Variants in DNER observed in about 807,000 individuals in gnomAD.
DNER encodes the protein delta and Notch-like epidermal growth factor-related receptor.
Under a neutral mutation model 78.2 loss-of-function variants are expected in DNER, and 33 were observed. The ratio of observed to expected loss-of-function variants is 0.42; its 90% CI spans 0.32 to 0.56. DNER has a LOEUF of 0.56. Ranked by LOEUF, DNER falls within the 20% of genes least tolerant of loss-of-function variation. DNER has a pLI of 0.11. For synonymous variants in DNER, 417 were observed against 384.8 expected, an observed-to-expected ratio of 1.08 and a Z score of -0.98; for missense variants, 918 against 975.3, an observed-to-expected ratio of 0.94 and a Z score of 0.78.
intron 4 of DNER, among the ~76,000 whole-genome samples, chr2:229,584,697 G>A (rs1211676984): frequency 2.6e-5 from 4 of 152,044 alleles, no homozygotes; most frequent in Admixed American, 2.0e-4. Flanking sequence ...TTGGGAGGCC[G>A]AGGCGGGTGG....
intron 11 of DNER, among the ~76,000 whole-genome samples, chr2:229,383,346 T>A (rs773552644): frequency 1.3e-5 from 2 of 152,138 alleles, no homozygotes; most frequent in Non-Finnish European, 2.9e-5. Flanking sequence ...ATGAAAAAAC[T>A]GTATCAACTA....
intron 12 of DNER, among the ~76,000 whole-genome samples, chr2:229,365,029 G>C (rs1559331439): frequency 6.6e-6 from 1 of 151,588 alleles, no homozygotes; most frequent in Non-Finnish European, 1.5e-5. Context: ...GATACATTTA[G>C]GTAGATATAA....
At position 229,579,783 on chromosome 2, in the gene DNER, T is replaced by G. The variant is rs535235611; in HGVS notation, c.847+6075A>C. Among the ~76,000 whole-genome samples, 5 of 152,104 alleles carry G rather than the reference T, an allele frequency of 3.3e-5. No homozygotes were observed. In the East Asian group the frequency reaches 7.7e-4, roughly 24 times the overall value. Reference sequence around the variant, plus strand: ...GCTGGGTATTGAGAATTCCTTTTTTTTTTTTTCTAAACATAGTATAAACTG... The same window carrying G: ...GCTGGGTATTGAGAATTCCTTTTTTGTTTTTTCTAAACATAGTATAAACTG... On this transcript the variant is annotated intron_variant, in intron 4 of 12. Coordinates refer to ENST00000341772, the MANE Select transcript of DNER (RefSeq NM_139072.4).
chr2:229,387,940 T>C lies in DNER; in HGVS notation c.1855+325A>G, dbSNP rs148832932. On this transcript the variant is annotated intron_variant, in intron 11 of 12. Transcript: ENST00000341772. ...CTCTATTTTTTTGATACGATTCTAA[T>C]GCTTTTCTGTTCAGCACATTTTTGG... Among the ~76,000 whole-genome samples the C allele has an allele frequency of 3.3e-5, 5 of 152,228 alleles. No homozygotes were observed. In the East Asian group the frequency reaches 9.7e-4, roughly 29 times the overall value.
intron 5 of DNER, among the ~76,000 whole-genome samples, chr2:229,523,481 T>C (rs761410680): frequency 1.9e-4 from 29 of 152,178 alleles, no homozygotes; most frequent in Non-Finnish European, 3.5e-4. Flanking sequence ...TTACTCTGTG[T>C]TTGTCTATGT....
chr2:229,434,908 TTA>T (rs10533759), intron 8 of DNER, among the ~76,000 whole-genome samples: 11,893 of 118,616 alleles, frequency 0.1, 1,111 homozygotes, highest in African/African-American at 0.26. Flanking sequence ...TAGAGACAAT[TTA>T]TATATATATA....
rs772102551 is a variant in DNER at position 229,447,345 on chromosome 2, C to A, written c.1457G>T (p.Gly486Val). ...PCAHGTCRSV[G>V]TSYKCLCDPG... The stretch of plus-strand genomic sequence containing the variant: ...ATCACAGAGGCATTTGTAGCTGGTG[C>A]CCACGCTGCGGCACGTGCCATGAGC... The change falls in exon 8 of 13, where the codon GGC becomes GTC. Residue 486 changes from glycine (G) to valine (V), a missense_variant. Gly to Val is a moderately radical substitution (Grantham distance 109). Transcript: ENST00000341772. 6.2e-7 allele frequency: 1 copy of A among 1,607,460 alleles called. No homozygotes were observed. The highest frequency in any genetic ancestry group is 8.5e-7 in the Non-Finnish European group (1 of 1,177,060).
chr2:229,512,932 G>A lies in DNER; in HGVS notation c.998C>T (p.Thr333Ile), dbSNP rs1455980332. 4 of 1,613,478 alleles carry A rather than the reference G, an allele frequency of 2.5e-6. No individual in the cohort carries two copies. The highest frequency in any genetic ancestry group is 2.5e-6 in the Non-Finnish European group (3 of 1,179,860). The change falls in exon 6 of 13, where the codon ACT becomes ATT. Residue 333 changes from threonine (T) to isoleucine (I), a missense_variant. Physicochemically the swap from Thr to Ile is moderately conservative, Grantham distance 89 (BLOSUM62 -1). Coordinates refer to ENST00000341772, the MANE Select transcript of DNER (RefSeq NM_139072.4). ...CTGCTCCTCACAGGTACAGGAAAAA[G>A]TTGCCTAAAACACAAAAAAAGCACA... is the stretch of plus-strand genomic sequence containing the variant. ...GKCTTKPSEATFSCTCEEQYV... is the reference protein window; with the variant it reads ...GKCTTKPSEAIFSCTCEEQYV...
At chr2:229,679,457 T>C (rs1699351302) in intron 1 of DNER, among the ~76,000 whole-genome samples, 2 of 152,228 alleles carry the variant, frequency 1.3e-5, no homozygotes. Flanking sequence ...ACATTATCTT[T>C]GGAACATATT....
intron 5 of DNER, among the ~76,000 whole-genome samples, chr2:229,518,339 A>T (rs1342802802): frequency 6.6e-6 from 1 of 152,210 alleles, no homozygotes; most frequent in East Asian, 1.9e-4. Context: ...TGAATACTAG[A>T]GATGTGGTGA....
At chr2:229,447,285 G>A in intron 8 of DNER, 31 bp downstream of exon 8, 1 of 1,533,094 alleles carries the variant, frequency 6.5e-7, no homozygotes, top group East Asian at 2.4e-5. Flanking sequence ...ATTGAGAAAA[G>A]GAAGATGTAC....
At chr2:229,491,635 C>T (rs773064834) in intron 6 of DNER, among the ~76,000 whole-genome samples, 8 of 152,186 alleles carry the variant, frequency 5.3e-5, no homozygotes, top group Non-Finnish European at 1.2e-4. Flanking sequence ...GGAGGCTTTA[C>T]CTAGTCAACC....
Position 229,477,148 on chromosome 2 carries a change from C to A in DNER, c.1253G>T (p.Cys418Phe). ...ISSLSGFTCQ[C>F]PEGYFGSACE... ...TAATAAATACTAATTACCTTCTGGA[C>A]ACTGGCAGGTGAATCCACTGAGACT... The change falls in exon 7 of 13, where the codon TGT (cysteine) becomes TTT (phenylalanine). Residue 418 changes from cysteine to phenylalanine, a missense_variant. By Grantham distance (205) the Cys-to-Phe change is radical (BLOSUM62 -2). Transcript: ENST00000341772. 6.2e-7 allele frequency: 1 copy of A among 1,613,076 alleles called. No homozygotes were observed. The highest frequency in any genetic ancestry group is 8.5e-7 in the Non-Finnish European group (1 of 1,179,408).
intron 1 of DNER, among the ~76,000 whole-genome samples, chr2:229,667,962 G>A (rs1465984532): frequency 6.6e-6 from 1 of 152,216 alleles, no homozygotes; most frequent in African/African-American, 2.4e-5. Flanking sequence ...TTTCGGGGCA[G>A]TGACCATGTC....
intron 6 of DNER, among the ~76,000 whole-genome samples, chr2:229,509,734 G>T (rs1695825362): frequency 6.6e-6 from 1 of 152,122 alleles, no homozygotes; most frequent in Admixed American, 6.5e-5. Context: ...AGAATCTCTT[G>T]AACCTGGAAG....
intron 4 of DNER, among the ~76,000 whole-genome samples, chr2:229,561,056 T>TTTGC (rs896340776): frequency 6.6e-6 from 1 of 152,190 alleles, no homozygotes; most frequent in Admixed American, 6.5e-5. Context: ...TTACTTGTGG[T>TTTGC]TTGCTTGCTT....
chr2:229,426,845 TCA>T (rs369170718), intron 8 of DNER, among the ~76,000 whole-genome samples: 100 of 151,332 alleles, frequency 6.6e-4, no homozygotes, highest in Non-Finnish European at 1.2e-3. Flanking sequence ...CGTGCTTCTG[TCA>T]CACACACACA....
intron 6 of DNER, among the ~76,000 whole-genome samples, chr2:229,479,508 T>C (rs1452444084): frequency 6.7e-6 from 1 of 150,188 alleles, no homozygotes; most frequent in African/African-American, 2.5e-5. Flanking sequence ...AGGCCAGGAG[T>C]TCAAGACCAG....
At chr2:229,433,129 A>G (rs1694047116) in intron 8 of DNER, among the ~76,000 whole-genome samples, 1 of 152,176 alleles carries the variant, frequency 6.6e-6, no homozygotes, top group Admixed American at 6.5e-5. Flanking sequence ...TAGGAGAGAC[A>G]GGGTTTCACC....
Sources: allele counts gnomAD v4.1 joint callset (sites outside exome capture counted in the v4.1 genomes callset), GRCh38; gene constraint gnomAD v4.1.1; transcripts MANE v1.5; gene names NCBI Gene and HGNC (gene_info 2026-07-23, HGNC 2026-07-21).